IMMT: variants seen among roughly 807,000 people sequenced by gnomAD.
IMMT encodes inner membrane mitochondrial protein.
IMMT carries 40 observed loss-of-function variants against 92.7 expected under a neutral mutation model. The ratio of observed to expected loss-of-function variants is 0.43; its 90% CI spans 0.34 to 0.56. The LOEUF (loss-of-function observed/expected upper bound fraction) is 0.56. Among genes scored for constraint, IMMT ranks in the 20% least tolerant of loss-of-function variants. The pLI, the probability that IMMT is intolerant of heterozygous loss-of-function variation, is 0.03. For missense variants in IMMT, 831 were observed against 912.1 expected (o/e 0.91, Z 1.14); for synonymous variants, 322 against 336.1 (o/e 0.96, Z 0.46).
intron 7 of IMMT, among the ~76,000 whole-genome samples, chr2:86,165,298 G>T (rs906559522): frequency 6.6e-6 from 1 of 152,170 alleles, no homozygotes; most frequent in African/African-American, 2.4e-5. Flanking sequence ...GCAACTTCTA[G>T]CCTTCCCATA....
chr2:86,170,991 CT>C, intron 5 of IMMT, 147 bp from the exon 6 acceptor site: 1 of 697,684 alleles, frequency 1.4e-6, no homozygotes, highest in East Asian at 2.7e-5. Flanking sequence ...CATATCATTA[CT>C]CTTAATGATT....
At chr2:86,158,757 C>G in intron 9 of IMMT, 36 bp from the exon 10 acceptor site, 1 of 1,520,466 alleles carries the variant, frequency 6.6e-7, no homozygotes, top group Non-Finnish European at 9.0e-7. Context: ...TTAAATTGAA[C>G]AAAAAATACC....
At chr2:86,178,404 G>A (rs1677593463) in intron 3 of IMMT, among the ~76,000 whole-genome samples, 1 of 151,560 alleles carries the variant, frequency 6.6e-6, no homozygotes, top group South Asian at 2.1e-4. Flanking sequence ...GAGGCAGGCG[G>A]ACCACAGGTC....
At chr2:86,171,108 T>G in intron 5 of IMMT, 100 bp downstream of exon 5, 1 of 1,047,876 alleles carries the variant, frequency 9.5e-7, no homozygotes, top group East Asian at 2.6e-5. Flanking sequence ...GACCTAAACC[T>G]AGTGTAAATG....
chr2:86,186,990 C>T (rs545010968), intron 1 of IMMT, among the ~76,000 whole-genome samples: 17 of 152,162 alleles, frequency 1.1e-4, no homozygotes, highest in African/African-American at 3.9e-4. Context: ...CTCTATACTT[C>T]CGGCCATCTG....
At chr2:86,160,083 G>C in intron 8 of IMMT, 1 of 153,098 alleles carries the variant, frequency 6.5e-6, no homozygotes, top group Non-Finnish European at 1.5e-5. Flanking sequence ...CTTTTCTGGA[G>C]TCAATACACA....
chr2:86,163,574 C>A (rs1676437948), intron 7 of IMMT, among the ~76,000 whole-genome samples: 1 of 152,050 alleles, frequency 6.6e-6, no homozygotes, highest in Admixed American at 6.6e-5. Flanking sequence ...AAGATGTTTC[C>A]CTCCTTCAAG....
At chr2:86,162,893 C>T (rs536672921) in intron 7 of IMMT, among the ~76,000 whole-genome samples, 1 of 152,162 alleles carries the variant, frequency 6.6e-6, no homozygotes, top group South Asian at 2.1e-4. Flanking sequence ...TGTTTTTCTC[C>T]AGCTATGGAA....
intron 4 of IMMT, among the ~76,000 whole-genome samples, chr2:86,171,748 T>C (rs1367770602): frequency 6.6e-6 from 1 of 152,010 alleles, no homozygotes; most frequent in Non-Finnish European, 1.5e-5. Flanking sequence ...TTTAATTGCT[T>C]TGAAGAGTGG....
In IMMT at chr2:86,172,246, A is replaced by G. The variant is rs141942201; in HGVS notation, c.422-901T>C. ...CGGCCTCCCAAAGTGCTGGGATTACAGGTGTGAGCCACTGTGCCCGGCCTT... is the reference window on the plus strand; with the variant it reads ...CGGCCTCCCAAAGTGCTGGGATTACGGGTGTGAGCCACTGTGCCCGGCCTT... On this transcript the variant is annotated intron_variant, in intron 4 of 14. Coordinates refer to ENST00000410111, the MANE Select transcript of IMMT (RefSeq NM_006839.3). Among the ~76,000 whole-genome samples, 743 of 152,090 alleles carry G rather than the reference A, an allele frequency of 4.9e-3. 8 individuals carry two copies. Among genetic ancestry groups the G allele is most frequent in the African/African-American group, 0.017 (721 of 41,496 alleles).
chr2:86,166,065 C>T (rs1676651654), intron 7 of IMMT, among the ~76,000 whole-genome samples: 1 of 152,218 alleles, frequency 6.6e-6, no homozygotes, highest in African/African-American at 2.4e-5. Context: ...AGCACAGTGG[C>T]TCACGCCTGT....
At chr2:86,171,438 A>G in intron 4 of IMMT, 93 bp from the exon 5 acceptor site, 1 of 1,141,958 alleles carries the variant, frequency 8.8e-7, no homozygotes, top group South Asian at 1.3e-5. Flanking sequence ...CCCACTTCAC[A>G]TCTGACTCCT....
chr2:86,157,947 A>AT (rs1675982133), intron 10 of IMMT, among the ~76,000 whole-genome samples: 1 of 152,074 alleles, frequency 6.6e-6, no homozygotes, highest in South Asian at 2.1e-4. Context: ...GACAAAAAAA[A>AT]TAAAAATAAA....
intron 1 of IMMT, among the ~76,000 whole-genome samples, chr2:86,189,716 A>C (rs1432776466): frequency 2.0e-5 from 3 of 152,230 alleles, no homozygotes; most frequent in Non-Finnish European, 4.4e-5. Flanking sequence ...ACACAAACGA[A>C]AAAGGCACCC....
chr2:86,177,440 T>C (rs550212476), intron 3 of IMMT, among the ~76,000 whole-genome samples: 68 of 151,678 alleles, frequency 4.5e-4, no homozygotes, highest in Non-Finnish European at 7.4e-4. Context: ...CCATCTCTAC[T>C]AAAAAATGCA....
At chr2:86,158,826 T>C in intron 9 of IMMT, 105 bp from the exon 10 acceptor site, 1 of 950,428 alleles carries the variant, frequency 1.1e-6, no homozygotes, top group South Asian at 1.7e-5. Flanking sequence ...TTGTTGGAAA[T>C]GTGTAAGGAA....
In IMMT at chr2:86,179,562, G is replaced by T. The variant is rs1677686976; in HGVS notation, c.180C>A (p.Gly60=). Residue 60 remains glycine, a synonymous_variant, in exon 3 of 15, where the codon GGC becomes GGA. Transcript: ENST00000410111. Reference sequence around the variant, plus strand: ...AATCCCATTTGGCATATAGGATAGTGCCACCAATACCTCCACCAACAAACA... The same window carrying T: ...AATCCCATTTGGCATATAGGATAGTTCCACCAATACCTCCACCAACAAACA... ...GLLFVGGGIG[G]TILYAKWDSH... The T allele has an allele frequency of 1.2e-6, 2 of 1,612,176 alleles. No individual in the cohort carries two copies. Among genetic ancestry groups the T allele is most frequent in the African/African-American group, 2.7e-5 (2 of 74,840 alleles).
rs573095382 is a variant in IMMT, at chr2:86,147,066, T to C, written c.1533+636A>G. ...GTTAGCCACTGTGCTCAGCCACAAA[T>C]TGTCAGCTTTAGAAAGTAAATTATC... On this transcript the variant is annotated intron_variant, in intron 13 of 14. Coordinates refer to ENST00000410111, the MANE Select transcript of IMMT (RefSeq NM_006839.3). 3.2e-4 allele frequency among the ~76,000 whole-genome samples: 49 copies of C among 152,348 alleles called. No individual in the cohort carries two copies. The South Asian group carries it at 9.9e-3, about 31-fold the overall frequency.
chr2:86,172,693 T>C (rs1040564498), intron 4 of IMMT, among the ~76,000 whole-genome samples: 4 of 152,188 alleles, frequency 2.6e-5, no homozygotes, highest in Non-Finnish European at 5.9e-5. Flanking sequence ...GCTCCCTCTC[T>C]GACCTCATTT....
Sources: gnomAD v4.1 joint callset for allele counts (sites outside exome capture counted in the v4.1 genomes callset) on GRCh38, gnomAD v4.1.1 for gene constraint, MANE v1.5 for transcripts, NCBI Gene and HGNC (gene_info 2026-07-23, HGNC 2026-07-21) for gene names.